GRID2: variants seen among roughly 807,000 people sequenced by gnomAD.
The protein encoded by GRID2 is glutamate ionotropic receptor delta type subunit 2.
GRID2 carries 33 observed loss-of-function variants against 114.8 expected under a neutral mutation model. That is an observed-to-expected ratio of 0.29 (90% confidence interval 0.22 to 0.38). The LOEUF is 0.38. Among genes scored for constraint, GRID2 ranks in the 10% least tolerant of loss-of-function variants. The pLI, the probability that GRID2 is intolerant of heterozygous loss-of-function variation, is 1.00. For synonymous variants in GRID2, 505 were observed against 449.9 expected, an observed-to-expected ratio of 1.12 and a Z score of -1.55; for missense variants, 1,184 against 1,257.7, an observed-to-expected ratio of 0.94 and a Z score of 0.89.
intron 2 of GRID2, among the ~76,000 whole-genome samples, chr4:92,828,096 C>T (rs906741824): frequency 2.0e-5 from 3 of 151,918 alleles, no homozygotes; most frequent in African/African-American, 7.2e-5. Flanking sequence ...ACTGTATTCC[C>T]CTACAACTCC....
chr4:93,717,744 A>G (rs965722423), intron 14 of GRID2, among the ~76,000 whole-genome samples: 2 of 152,180 alleles, frequency 1.3e-5, no homozygotes, highest in African/African-American at 4.8e-5. Context: ...TAAAGGTGAT[A>G]CGCCTTTTAT....
At chr4:92,661,232 A>G (rs1243091156) in intron 2 of GRID2, among the ~76,000 whole-genome samples, 3 of 151,122 alleles carry the variant, frequency 2.0e-5, no homozygotes, top group Non-Finnish European at 4.5e-5. Flanking sequence ...GTGTTCTAAG[A>G]AAATTCTGAA....
chr4:93,500,809 C>T (rs2149473283), intron 12 of GRID2, among the ~76,000 whole-genome samples: 1 of 152,020 alleles, frequency 6.6e-6, no homozygotes, highest in East Asian at 2.0e-4. Flanking sequence ...TATATATTTG[C>T]CAGGTAAGTT....
At chr4:92,806,166 G>GAT (rs71579579) in intron 2 of GRID2, among the ~76,000 whole-genome samples, 69 of 133,332 alleles carry the variant, frequency 5.2e-4, no homozygotes, top group Middle Eastern at 7.6e-3. Flanking sequence ...ATAGGCTATC[G>GAT]ACACACACAC....
rs1171683847 is a variant in GRID2 at position 92,949,181 on chromosome 4, G to A, written c.245-135814G>A. On this transcript the variant is annotated intron_variant, in intron 2 of 15. Coordinates refer to ENST00000282020, the MANE Select transcript of GRID2 (RefSeq NM_001510.4). Reference sequence around the variant, plus strand: ...GTGTGTGTGTGAGAGAGAGAGAGAAGGAGGGAGTATTTAACGAGTAGCTTC... The same window carrying A: ...GTGTGTGTGTGAGAGAGAGAGAGAAAGAGGGAGTATTTAACGAGTAGCTTC... 2.0e-5 allele frequency among the ~76,000 whole-genome samples: 3 copies of A among 150,312 alleles called. No homozygotes were observed. In the South Asian group the frequency reaches 6.3e-4, roughly 31 times the overall value.
chr4:92,372,104 G>T (rs1729142659), intron 1 of GRID2, among the ~76,000 whole-genome samples: 1 of 152,158 alleles, frequency 6.6e-6, no homozygotes, highest in African/African-American at 2.4e-5. Flanking sequence ...AATAGATGAG[G>T]AGTTACGCAT....
At chr4:93,594,298 T>C (rs13146559) in intron 13 of GRID2, among the ~76,000 whole-genome samples, 28,652 of 152,014 alleles carry the variant, frequency 0.19, 3,171 homozygotes, top group Middle Eastern at 0.32. Flanking sequence ...TGCAGGTCTG[T>C]TGGAGTACCC....
At position 92,435,727 on chromosome 4, in the gene GRID2, G is replaced by A. The variant is rs574605234; in HGVS notation, c.88+130983G>A. ...AGAGTACTAGGGTCCATGGATGAAA[G>A]TGTAGTGAGGAAGACTAACTCATTG... On this transcript the variant is annotated intron_variant, in intron 1 of 15. Coordinates refer to ENST00000282020, the MANE Select transcript of GRID2 (RefSeq NM_001510.4). Among the ~76,000 whole-genome samples the A allele has an allele frequency of 4.6e-5, 7 of 152,326 alleles. No individual in the cohort carries two copies. In the East Asian group the frequency reaches 1.4e-3, roughly 29 times the overall value.
chr4:92,369,328 A>T (rs928486555), intron 1 of GRID2, among the ~76,000 whole-genome samples: 2 of 152,168 alleles, frequency 1.3e-5, no homozygotes, highest in African/African-American at 4.8e-5. Flanking sequence ...TGTTAGTCTG[A>T]GTCTGTGGAA....
At chr4:92,551,458 A>G (rs1726583847) in intron 1 of GRID2, among the ~76,000 whole-genome samples, 1 of 152,176 alleles carries the variant, frequency 6.6e-6, no homozygotes, top group Non-Finnish European at 1.5e-5. Context: ...TAACTTGTCT[A>G]AAACTAACTT....
chr4:92,427,126 C>T (rs1579340010), intron 1 of GRID2, among the ~76,000 whole-genome samples: 1 of 152,250 alleles, frequency 6.6e-6, no homozygotes, highest in East Asian at 1.9e-4. Context: ...TACTAACTTC[C>T]TATACTCTGA....
At chr4:93,653,201 A>G (rs1276701299) in intron 14 of GRID2, among the ~76,000 whole-genome samples, 10 of 152,088 alleles carry the variant, frequency 6.6e-5, no homozygotes, top group African/African-American at 2.2e-4. Flanking sequence ...TTTGAGTTAT[A>G]ATAAAGGAAC....
chr4:92,794,905 T>TATATACACACAC (rs745392261), intron 2 of GRID2, among the ~76,000 whole-genome samples: 610 of 127,660 alleles, frequency 4.8e-3, no homozygotes, highest in South Asian at 0.011. Flanking sequence ...TATATATATA[T>TATATACACACAC]ACACACACAC....
intron 3 of GRID2, among the ~76,000 whole-genome samples, chr4:93,103,192 A>G (rs1427862899): frequency 1.3e-5 from 2 of 152,054 alleles, no homozygotes; most frequent in Admixed American, 6.5e-5. Context: ...CTAACTTGGG[A>G]TAACTCTGAA....
At chr4:93,514,585 A>G (rs563379869) in intron 12 of GRID2, among the ~76,000 whole-genome samples, 3 of 152,230 alleles carry the variant, frequency 2.0e-5, no homozygotes, top group Non-Finnish European at 4.4e-5. Context: ...CTCACTGACT[A>G]TGACACACTG....
At chr4:92,734,726 T>G (rs2149326904) in intron 2 of GRID2, among the ~76,000 whole-genome samples, 1 of 152,160 alleles carries the variant, frequency 6.6e-6, no homozygotes, top group Non-Finnish European at 1.5e-5. Context: ...ATATGTATTT[T>G]AACTATGAAT....
At chr4:92,385,506 A>T (rs1209676193) in intron 1 of GRID2, among the ~76,000 whole-genome samples, 1 of 151,648 alleles carries the variant, frequency 6.6e-6, no homozygotes, top group Non-Finnish European at 1.5e-5. Flanking sequence ...TCCTACAACC[A>T]TGTTAACGCT....
chr4:92,778,432 C>T (rs1014145764), intron 2 of GRID2, among the ~76,000 whole-genome samples: 2 of 152,006 alleles, frequency 1.3e-5, no homozygotes, highest in African/African-American at 2.4e-5. Flanking sequence ...TTTTATTTTG[C>T]CCCATTGATA....
chr4:93,310,203 A>G (rs1383778069), intron 8 of GRID2, among the ~76,000 whole-genome samples: 3 of 152,166 alleles, frequency 2.0e-5, no homozygotes, highest in African/African-American at 7.2e-5. Context: ...TCCAAAGTCA[A>G]ATGTTTTTAT....
Sources: gnomAD v4.1 joint callset for allele counts (sites outside exome capture counted in the v4.1 genomes callset) on GRCh38, gnomAD v4.1.1 for gene constraint, MANE v1.5 for transcripts, NCBI Gene and HGNC (gene_info 2026-07-23, HGNC 2026-07-21) for gene names.